GMPS: variants seen among roughly 807,000 people sequenced by gnomAD.
The protein encoded by GMPS is GMP synthase [glutamine-hydrolyzing].
In GMPS, 15 loss-of-function variants were observed where a neutral mutation model predicts 77.9. The ratio of observed to expected loss-of-function variants is 0.19; its 90% CI spans 0.13 to 0.30. The LOEUF is 0.30. Among genes scored for constraint, GMPS ranks in the 10% least tolerant of loss-of-function variants. The pLI, the probability that GMPS is intolerant of heterozygous loss-of-function variation, is 1.00. For synonymous variants in GMPS, 224 were observed against 275.9 expected, an observed-to-expected ratio of 0.81 and a Z score of 1.86; for missense variants, 590 against 838.8, an observed-to-expected ratio of 0.70 and a Z score of 3.66.
Position 155,941,892 on chromosome 3 carries a change from G to A in GMPS, c.*4200G>A, listed in dbSNP as rs770083694. 36 of 212,518 alleles carry A rather than the reference G, an allele frequency of 1.7e-4. No individual in the cohort carries two copies. Among genetic ancestry groups the A allele is most frequent in the Non-Finnish European group, 3.0e-4 (32 of 105,184 alleles). The allele number at this position is 212,518 out of a possible 1,614,324, so 13.2% of individuals were successfully genotyped here. A position where few individuals can be genotyped will look rare whatever the true frequency, so the allele number is the denominator to read the frequency against. The stretch of plus-strand genomic sequence containing the variant: ...GAAGAGATATAGAATCCCCCAAAGA[G>A]TGTCAAGATGCTAACTTCCAACCCT... On this transcript the variant is annotated 3_prime_UTR_variant, in exon 16 of 16. Transcript: ENST00000496455.
At chr3:155,898,369 T>G (rs1427165408) in intron 3 of GMPS, among the ~76,000 whole-genome samples, 2 of 152,234 alleles carry the variant, frequency 1.3e-5, no homozygotes, top group South Asian at 2.1e-4. Flanking sequence ...TGTTGACATT[T>G]TTGAACCATT....
chr3:155,913,059 ACT>A (rs1337679441), intron 7 of GMPS, among the ~76,000 whole-genome samples: 2 of 152,148 alleles, frequency 1.3e-5, no homozygotes, highest in Non-Finnish European at 2.9e-5. Flanking sequence ...TGGAGGTAAG[ACT>A]CTACATTAAG....
Position 155,939,300 on chromosome 3 carries a change from G to A in GMPS, c.*1608G>A, listed in dbSNP as rs1476823868. 8 of 215,742 alleles carry A rather than the reference G, an allele frequency of 3.7e-5. No individual in the cohort carries two copies. The highest frequency in any genetic ancestry group is 6.5e-5 in the Non-Finnish European group (7 of 107,096). 13.4% of individuals were successfully genotyped at this position (215,742 alleles called of 1,614,324 possible). On this transcript the variant is annotated 3_prime_UTR_variant, in exon 16 of 16. Coordinates refer to ENST00000496455, the MANE Select transcript of GMPS (RefSeq NM_003875.3). ...GTCATGTTATTTGAAAGCTAGAATA[G>A]ACAACCTATAAAATGCTTACCAACA...
intron 1 of GMPS, among the ~76,000 whole-genome samples, chr3:155,876,751 A>G (rs1038379225): frequency 6.6e-6 from 1 of 152,228 alleles, no homozygotes; most frequent in African/African-American, 2.4e-5. Flanking sequence ...ATTTAAGTCT[A>G]GTGTGTATAC....
At chr3:155,932,814 CA>C (rs1260069989) in intron 13 of GMPS, among the ~76,000 whole-genome samples, 3 of 152,190 alleles carry the variant, frequency 2.0e-5, no homozygotes, top group Non-Finnish European at 4.4e-5. Context: ...GGAACATGCT[CA>C]TTCAAAGGCT....
chr3:155,873,652 T>TTTTTTTTTTTTTTA (rs1560032835), intron 1 of GMPS, among the ~76,000 whole-genome samples: 1 of 143,570 alleles, frequency 7.0e-6, no homozygotes, highest in African/African-American at 2.6e-5. Context: ...TTTTTTTTTT[T>TTTTTTTTTTTTTTA]GAGATGGAGT....
At chr3:155,937,486 A>G (rs1252823702) in intron 15 of GMPS, 105 bp from the exon 16 acceptor site, 4 of 644,106 alleles carry the variant, frequency 6.2e-6, no homozygotes, top group Admixed American at 5.6e-5. Flanking sequence ...ATGGAGGACA[A>G]TAGTGAAAAT....
intron 2 of GMPS, among the ~76,000 whole-genome samples, chr3:155,897,366 G>A (rs188219828): frequency 1.3e-4 from 20 of 152,256 alleles, no homozygotes; most frequent in African/African-American, 4.1e-4. Context: ...GGCATGTGGG[G>A]GCAGAAGTGT....
At chr3:155,875,451 G>A (rs565242890) in intron 1 of GMPS, among the ~76,000 whole-genome samples, 7 of 152,264 alleles carry the variant, frequency 4.6e-5, no homozygotes, top group East Asian at 1.9e-4. Flanking sequence ...GGCTGGTCTC[G>A]AACTCCTGGG....
At chr3:155,893,064 A>G (rs1162199607) in intron 1 of GMPS, among the ~76,000 whole-genome samples, 1 of 152,222 alleles carries the variant, frequency 6.6e-6, no homozygotes, top group African/African-American at 2.4e-5. Flanking sequence ...TAGTTTCCCC[A>G]TCAGTATATA....
chr3:155,928,801 C>A (rs981998664), intron 12 of GMPS, among the ~76,000 whole-genome samples: 22 of 149,054 alleles, frequency 1.5e-4, no homozygotes, highest in Admixed American at 2.7e-4. Context: ...GTTTTTTGTT[C>A]TTGCGATAGT....
chr3:155,893,370 A>C, intron 1 of GMPS, 148 bp from the exon 2 acceptor site: 3 of 575,080 alleles, frequency 5.2e-6, no homozygotes, highest in Non-Finnish European at 9.2e-6. Flanking sequence ...CTTCCCTTTA[A>C]AAGGGGTATT....
chr3:155,930,806 A>G (rs965452003), intron 12 of GMPS, among the ~76,000 whole-genome samples: 1 of 152,180 alleles, frequency 6.6e-6, no homozygotes, highest in African/African-American at 2.4e-5. Context: ...TGTCTGCCAA[A>G]TTATAATTTT....
chr3:155,873,216 G>A (rs182878960), intron 1 of GMPS, among the ~76,000 whole-genome samples: 1 of 152,256 alleles, frequency 6.6e-6, no homozygotes, highest in Non-Finnish European at 1.5e-5. Context: ...AAACTGGAGA[G>A]GGGCCTAAAA....
intron 5 of GMPS, among the ~76,000 whole-genome samples, chr3:155,910,018 G>A (rs1754995729): frequency 6.6e-6 from 1 of 152,046 alleles, no homozygotes; most frequent in Non-Finnish European, 1.5e-5. Flanking sequence ...GCTGAGATGG[G>A]CGGATTACAA....
At chr3:155,910,651 G>C in intron 5 of GMPS, 41 bp from the exon 6 acceptor site, 1 of 1,009,282 alleles carries the variant, frequency 9.9e-7, no homozygotes. Context: ...AGTCTTTTCA[G>C]CATGAAAAAA....
At chr3:155,924,807 A>G (rs199608246) in intron 11 of GMPS, among the ~76,000 whole-genome samples, 1 of 152,330 alleles carries the variant, frequency 6.6e-6, no homozygotes, top group East Asian at 1.9e-4. Flanking sequence ...CATGAAAGGT[A>G]TAGTCTATTC....
rs1232941485 is a variant in GMPS at position 155,870,670 on chromosome 3, T to G, written c.-201T>G. On this transcript the variant is annotated 5_prime_UTR_variant, in exon 1 of 16. Transcript: ENST00000496455. The stretch of plus-strand genomic sequence containing the variant: ...GGGGCAGCGTGCGCGCTGCTGGTCT[T>G]CTCTCCCGCGGCGCTGGGGCCCGCG... 2.0e-6 allele frequency: 1 copy of G among 499,094 alleles called. No individual in the cohort carries two copies. The highest frequency in any genetic ancestry group is 3.6e-6 in the Non-Finnish European group (1 of 281,034). 30.9% of individuals were successfully genotyped at this position (499,094 alleles called of 1,614,324 possible).
chr3:155,879,078 C>T (rs62286800), intron 1 of GMPS, among the ~76,000 whole-genome samples: 8,313 of 152,144 alleles, frequency 0.055, 316 homozygotes, highest in East Asian at 0.18. Flanking sequence ...ATAATGCCTG[C>T]TCACATTGGA....
Sources: gnomAD v4.1 joint callset for allele counts (sites outside exome capture counted in the v4.1 genomes callset) on GRCh38, gnomAD v4.1.1 for gene constraint, MANE v1.5 for transcripts, NCBI Gene and HGNC (gene_info 2026-07-23, HGNC 2026-07-21) for gene names.